KAT6B: variants seen among roughly 807,000 people sequenced by gnomAD.
The protein encoded by KAT6B is lysine acetyltransferase 6B, also known as histone acetyltransferase KAT6B.
Under a neutral mutation model 187.5 loss-of-function variants are expected in KAT6B, and 10 were observed. That is an observed-to-expected ratio of 0.05 (90% CI 0.03 to 0.09). The LOEUF (loss-of-function observed/expected upper bound fraction) is 0.09, where lower values mean the gene tolerates loss of function less well. KAT6B is among the 10% of genes least tolerant of loss of function. KAT6B has a pLI of 1.00. For synonymous variants in KAT6B, 861 were observed against 926.8 expected, an observed-to-expected ratio of 0.93 and a Z score of 1.29; for missense variants, 1,952 against 2,558.9, an observed-to-expected ratio of 0.76 and a Z score of 5.12.
At chr10:74,863,125 C>A (rs1017159504) in intron 3 of KAT6B, among the ~76,000 whole-genome samples, 1 of 152,166 alleles carries the variant, frequency 6.6e-6, no homozygotes, top group African/African-American at 2.4e-5. Flanking sequence ...GGAGATGATA[C>A]ATTATCACTG....
At position 74,980,947 on chromosome 10, in the gene KAT6B, A is replaced by G. The variant is rs187999202; in HGVS notation, c.2232-840A>G. Among the ~76,000 whole-genome samples, 10 of 152,344 alleles carry G rather than the reference A, an allele frequency of 6.6e-5. No homozygotes were observed. The East Asian group carries it at 1.7e-3, about 26-fold the overall frequency. Reference sequence around the variant, plus strand: ...TACCTCTTCCAGAGGTGGAAATGGTAACAACTAAGTTTGAGGACTTTTCAG... The same window carrying G: ...TACCTCTTCCAGAGGTGGAAATGGTGACAACTAAGTTTGAGGACTTTTCAG... On this transcript the variant is annotated intron_variant, in intron 10 of 17. Transcript: ENST00000287239.
At chr10:75,002,916 G>A (rs928891165) in intron 13 of KAT6B, 1 of 152,184 alleles carries the variant, frequency 6.6e-6, no homozygotes, top group African/African-American at 2.4e-5. Flanking sequence ...GCGCTTAGTA[G>A]GTTCTTATTA....
At chr10:74,831,839 A>G (rs893122088) in intron 1 of KAT6B, among the ~76,000 whole-genome samples, 9 of 152,212 alleles carry the variant, frequency 5.9e-5, no homozygotes, top group African/African-American at 1.9e-4. Context: ...AGAGACTTAG[A>G]TTGATTTAGT....
intron 3 of KAT6B, among the ~76,000 whole-genome samples, chr10:74,848,504 CAACAACAACAACAAG>C (rs1190146335): frequency 1.3e-5 from 2 of 151,758 alleles, no homozygotes; most frequent in African/African-American, 4.8e-5. Context: ...CACTTCGTTT[CAACAACAACAACAAG>C]AACAACAACA....
chr10:74,984,229 G>A (rs912300452), intron 11 of KAT6B: 4 of 152,224 alleles, frequency 2.6e-5, no homozygotes, highest in African/African-American at 9.7e-5. Context: ...TGTGCAAGAT[G>A]AGAACCCGTA....
chr10:75,006,559 C>T (rs1219634405), intron 13 of KAT6B, among the ~76,000 whole-genome samples: 1 of 152,144 alleles, frequency 6.6e-6, no homozygotes, highest in African/African-American at 2.4e-5. Flanking sequence ...AAGAGATCCT[C>T]CCACCTCAGC....
chr10:75,022,298 C>A (rs2134171434), intron 16 of KAT6B, 67 bp downstream of exon 16: 1 of 1,549,998 alleles, frequency 6.5e-7, no homozygotes. Context: ...TGCAGACATT[C>A]TGTCTATTAG....
At chr10:75,013,166 A>G (rs917734481) in intron 13 of KAT6B, among the ~76,000 whole-genome samples, 1 of 152,070 alleles carries the variant, frequency 6.6e-6, no homozygotes, top group Admixed American at 6.6e-5. Context: ...TGAGTCTTTC[A>G]TCTGTCTTGG....
At chr10:74,921,518 T>G (rs1343307432) in intron 3 of KAT6B, among the ~76,000 whole-genome samples, 1 of 152,216 alleles carries the variant, frequency 6.6e-6, no homozygotes, top group African/African-American at 2.4e-5. Context: ...TTCTAACCAC[T>G]GAGTAAGAAG....
At chr10:75,025,399 T>G in intron 17 of KAT6B, 150 bp downstream of exon 17, 1 of 707,762 alleles carries the variant, frequency 1.4e-6, no homozygotes, top group Non-Finnish European at 2.4e-6. Flanking sequence ...TTTCCCATCC[T>G]TACAAGCTTC....
At chr10:74,906,483 G>C (rs980252328) in intron 3 of KAT6B, among the ~76,000 whole-genome samples, 1 of 152,156 alleles carries the variant, frequency 6.6e-6, no homozygotes, top group Non-Finnish European at 1.5e-5. Flanking sequence ...TTTAGTTTAA[G>C]CAAATTCTGG....
intron 3 of KAT6B, among the ~76,000 whole-genome samples, chr10:74,912,531 A>G (rs1006137790): frequency 6.6e-6 from 1 of 152,186 alleles, no homozygotes; most frequent in Non-Finnish European, 1.5e-5. Flanking sequence ...AAGTTCATCC[A>G]TGTCTCTTGT....
rs1240003809 is a variant in KAT6B, at chr10:75,025,345, T to G, written c.3664+96T>G. 22 of 1,225,774 alleles carry G rather than the reference T, an allele frequency of 1.8e-5. No homozygotes were observed. In the East Asian group the frequency reaches 5.4e-4, roughly 30 times the overall value. 75.9% of individuals were successfully genotyped at this position (1,225,774 alleles called of 1,614,324 possible). A position where few individuals can be genotyped will look rare whatever the true frequency, so the allele number is the denominator to read the frequency against. On this transcript the variant is annotated intron_variant, in intron 17 of 17. Coordinates refer to ENST00000287239, the MANE Select transcript of KAT6B (RefSeq NM_012330.4). ...CTCTGGCGTGATGCCCAGAGGCACCTGCGAAGTGGTGCTGATGCACCTGGA... is the reference window on the plus strand; with the variant it reads ...CTCTGGCGTGATGCCCAGAGGCACCGGCGAAGTGGTGCTGATGCACCTGGA...
intron 3 of KAT6B, among the ~76,000 whole-genome samples, chr10:74,884,150 A>G (rs1428299082): frequency 2.0e-5 from 3 of 152,244 alleles, no homozygotes; most frequent in Non-Finnish European, 2.9e-5. Context: ...CTGAACTCAT[A>G]GAAGACTTAG....
chr10:74,929,464 G>A (rs972780799), intron 3 of KAT6B, among the ~76,000 whole-genome samples: 1 of 152,126 alleles, frequency 6.6e-6, no homozygotes, highest in Admixed American at 6.6e-5. Context: ...GTCATACATT[G>A]ACCGAATGCC....
At chr10:74,833,343 C>T (rs1160619041) in intron 1 of KAT6B, among the ~76,000 whole-genome samples, 3 of 152,108 alleles carry the variant, frequency 2.0e-5, no homozygotes, top group Non-Finnish European at 4.4e-5. Context: ...CATTACTAAT[C>T]AGTGTACCCT....
chr10:74,867,816 A>G (rs1001003105), intron 3 of KAT6B, among the ~76,000 whole-genome samples: 3 of 152,358 alleles, frequency 2.0e-5, no homozygotes, highest in African/African-American at 4.8e-5. Context: ...CACAAAAACT[A>G]TCTTAAAGGG....
At chr10:75,022,401 A>G (rs1297385812) in intron 16 of KAT6B, among the ~76,000 whole-genome samples, 170 bp downstream of exon 16, 3 of 152,170 alleles carry the variant, frequency 2.0e-5, no homozygotes, top group South Asian at 2.1e-4. Flanking sequence ...AGTCATGATT[A>G]TGTTTACTTT....
chr10:74,934,175 G>A (rs1849071338), intron 3 of KAT6B, among the ~76,000 whole-genome samples: 1 of 117,228 alleles, frequency 8.5e-6, no homozygotes, highest in African/African-American at 4.0e-5. Flanking sequence ...AACAGGGCAA[G>A]ACTCCGTCTC....
Sources: gnomAD v4.1 joint callset for allele counts (sites outside exome capture counted in the v4.1 genomes callset) on GRCh38, gnomAD v4.1.1 for gene constraint, MANE v1.5 for transcripts, NCBI Gene and HGNC (gene_info 2026-07-23, HGNC 2026-07-21) for gene names.